The following PTCHD4 variants were observed in gnomAD, a reference collection of about 807,000 sequenced individuals.
PTCHD4 encodes the protein patched domain-containing protein 4.
PTCHD4 carries 33 observed loss-of-function variants against 58.1 expected under a neutral mutation model. The observed-to-expected ratio is 0.57, with a 90% confidence interval of 0.43 to 0.76. The LOEUF is 0.76. Among genes scored for constraint, PTCHD4 ranks in the 30% least tolerant of loss-of-function variants. PTCHD4 has a pLI of 0.00. For synonymous variants in PTCHD4, 478 were observed against 409.6 expected, an observed-to-expected ratio of 1.17 and a Z score of -2.02; for missense variants, 1,058 against 1,027.1, an observed-to-expected ratio of 1.03 and a Z score of -0.41.
intron 4 of PTCHD4, among the ~76,000 whole-genome samples, chr6:47,952,787 T>G (rs1341001143): frequency 6.6e-6 from 1 of 152,060 alleles, no homozygotes; most frequent in East Asian, 1.9e-4. Flanking sequence ...TTTGTGTAAG[T>G]GCACTGTACG....
At chr6:48,014,387 A>T (rs1410877697) in intron 3 of PTCHD4, among the ~76,000 whole-genome samples, 1 of 152,148 alleles carries the variant, frequency 6.6e-6, no homozygotes, top group African/African-American at 2.4e-5. Flanking sequence ...TAATATAAGA[A>T]ATATTGTAAT....
At chr6:48,022,990 A>T (rs949122829) in intron 3 of PTCHD4, among the ~76,000 whole-genome samples, 2 of 152,294 alleles carry the variant, frequency 1.3e-5, no homozygotes, top group Non-Finnish European at 2.9e-5. Context: ...TCCACTTACA[A>T]ATACTTGCCT....
At chr6:48,091,074 G>A (rs1765357699) in intron 1 of PTCHD4, among the ~76,000 whole-genome samples, 1 of 152,096 alleles carries the variant, frequency 6.6e-6, no homozygotes. Context: ...GTCACCAATA[G>A]CAAGGTAAAC....
chr6:47,911,164 G>T (rs1346754373), intron 4 of PTCHD4, among the ~76,000 whole-genome samples: 3 of 152,070 alleles, frequency 2.0e-5, no homozygotes, highest in Non-Finnish European at 2.9e-5. Context: ...AGCTAGCTTT[G>T]GTCAAAGGGA....
Position 47,873,422 on chromosome 6 carries a change from A to G in PTCHD4, c.*4881T>C, listed in dbSNP as rs1186333509. Among the ~76,000 whole-genome samples, 5 of 151,650 alleles carry G rather than the reference A, an allele frequency of 3.3e-5. No individual in the cohort carries two copies. The highest frequency in any genetic ancestry group is 4.8e-5 in the African/African-American group (2 of 41,356). Reference sequence around the variant, plus strand: ...GATCTAACTCCACAACACTTCAAACACAGAACACCACCTCTTGTGCTCCTA... The same window carrying G: ...GATCTAACTCCACAACACTTCAAACGCAGAACACCACCTCTTGTGCTCCTA... On this transcript the variant is annotated 3_prime_UTR_variant, in exon 5 of 5. Coordinates refer to ENST00000339488, the MANE Select transcript of PTCHD4 (RefSeq NM_001384253.1).
At chr6:47,884,119 T>G (rs975081316) in intron 4 of PTCHD4, among the ~76,000 whole-genome samples, 2 of 152,122 alleles carry the variant, frequency 1.3e-5, no homozygotes, top group Admixed American at 6.6e-5. Context: ...TGTGTATGTA[T>G]GTATGTATAT....
rs186875383 is a variant in PTCHD4, at chr6:48,039,018, C to G, written c.417+29212G>C. ...TCAGATAAAGGTAAAAATGCAGAGA[C>G]TCCATGATTCTGAGATTACTCTCTT... On this transcript the variant is annotated intron_variant, in intron 3 of 4. Transcript: ENST00000339488. Among the ~76,000 whole-genome samples the G allele has an allele frequency of 2.6e-5, 4 of 152,270 alleles. No individual in the cohort carries two copies. The East Asian group carries it at 7.7e-4, about 29-fold the overall frequency.
intron 3 of PTCHD4, among the ~76,000 whole-genome samples, chr6:48,039,875 T>G (rs1763783004): frequency 6.6e-6 from 1 of 152,102 alleles, no homozygotes. Context: ...TATTTGAAGC[T>G]TATATGAAAA....
chr6:48,106,282 C>T (rs554236276), intron 1 of PTCHD4, among the ~76,000 whole-genome samples: 3 of 152,292 alleles, frequency 2.0e-5, no homozygotes, highest in African/African-American at 7.2e-5. Flanking sequence ...CCCTGGGATG[C>T]AAGCCTGGTT....
At chr6:47,916,291 A>G (rs1387433919) in intron 4 of PTCHD4, among the ~76,000 whole-genome samples, 1 of 152,078 alleles carries the variant, frequency 6.6e-6, no homozygotes, top group African/African-American at 2.4e-5. Context: ...GCAGGACACA[A>G]ATTGCCTAGG....
chr6:47,997,436 T>C (rs1210691864), intron 4 of PTCHD4, among the ~76,000 whole-genome samples: 2 of 152,178 alleles, frequency 1.3e-5, no homozygotes, highest in Non-Finnish European at 2.9e-5. Flanking sequence ...ACTATCTTAC[T>C]TTATATCATT....
chr6:47,914,167 T>A (rs962422018), intron 4 of PTCHD4, among the ~76,000 whole-genome samples: 2 of 152,172 alleles, frequency 1.3e-5, no homozygotes, highest in African/African-American at 4.8e-5. Context: ...AGAATCTTTT[T>A]GTTTTCTTTA....
chr6:48,086,973 T>C (rs1172318113), intron 1 of PTCHD4, among the ~76,000 whole-genome samples: 1 of 152,176 alleles, frequency 6.6e-6, no homozygotes, highest in African/African-American at 2.4e-5. Context: ...ATATATTAAA[T>C]ATAAAGGAAC....
At chr6:47,887,538 T>C (rs951065537) in intron 4 of PTCHD4, among the ~76,000 whole-genome samples, 1 of 152,182 alleles carries the variant, frequency 6.6e-6, no homozygotes, top group Non-Finnish European at 1.5e-5. Context: ...TTATACCTAA[T>C]TGGGAAATTA....
chr6:47,997,026 T>C (rs114906878), intron 4 of PTCHD4, among the ~76,000 whole-genome samples: 2,664 of 152,330 alleles, frequency 0.017, 38 homozygotes, highest in South Asian at 0.047. Flanking sequence ...GTATATACCC[T>C]TGCCTCGACT....
chr6:47,919,155 T>C (rs1401882347), intron 4 of PTCHD4, among the ~76,000 whole-genome samples: 1 of 152,108 alleles, frequency 6.6e-6, no homozygotes, highest in East Asian at 1.9e-4. Flanking sequence ...TTATTTTGGG[T>C]TCCTTTTAGA....
chr6:48,000,910 T>A (rs1171857522), intron 4 of PTCHD4, among the ~76,000 whole-genome samples: 1 of 152,094 alleles, frequency 6.6e-6, no homozygotes, highest in Non-Finnish European at 1.5e-5. Flanking sequence ...TAATGCAAAA[T>A]CCCTCGAAAG....
chr6:47,912,271 C>G (rs1007964719), intron 4 of PTCHD4, among the ~76,000 whole-genome samples: 12 of 151,776 alleles, frequency 7.9e-5, no homozygotes, highest in Non-Finnish European at 1.2e-4. Context: ...AAATTCCCAC[C>G]CCCATCCCAT....
chr6:48,075,193 A>G (rs7758746), intron 1 of PTCHD4, among the ~76,000 whole-genome samples: 24,711 of 152,118 alleles, frequency 0.16, 2,088 homozygotes, highest in African/African-American at 0.22. Context: ...AAGATGACTC[A>G]TGGGTTCAGT....
Sources: allele counts gnomAD v4.1 joint callset (sites outside exome capture counted in the v4.1 genomes callset), GRCh38; gene constraint gnomAD v4.1.1; transcripts MANE v1.5; gene names NCBI Gene and HGNC (gene_info 2026-07-23, HGNC 2026-07-21).